The following FAM193A variants were observed in gnomAD, a reference collection of about 807,000 sequenced individuals.
FAM193A encodes the protein protein FAM193A.
FAM193A carries 22 observed loss-of-function variants against 126.5 expected under a neutral mutation model. The observed-to-expected ratio is 0.17, with a 90% confidence interval of 0.12 to 0.25. The LOEUF (loss-of-function observed/expected upper bound fraction) is 0.25, where lower values mean the gene tolerates loss of function less well. Ranked by LOEUF, FAM193A falls within the 10% of genes least tolerant of loss-of-function variation. The pLI is 1.00. For missense variants in FAM193A, 1,675 were observed against 1,672.8 expected (o/e 1.00, Z -0.02); for synonymous variants, 761 against 646.8 (o/e 1.18, Z -2.68).
Position 2,596,503 on chromosome 4 carries a change from G to T in FAM193A, c.501+174G>T, listed in dbSNP as rs752695544. Among the ~76,000 whole-genome samples the T allele has an allele frequency of 3.2e-4, 48 of 152,328 alleles. No individual in the cohort carries two copies. The South Asian group carries it at 4.6e-3, about 14-fold the overall frequency. On this transcript the variant is annotated intron_variant, in intron 2 of 20. Transcript: ENST00000637812. ...CCTCCTGGTCTTCCCTGGCCACACT[G>T]CAGTAGGTGGCAGGACACCTGCCCT...
At chr4:2,713,049 G>A (rs546014734) in intron 19 of FAM193A, among the ~76,000 whole-genome samples, 5 of 150,070 alleles carry the variant, frequency 3.3e-5, no homozygotes, top group African/African-American at 7.4e-5. Context: ...AGGTTGCAGC[G>A]AGCTGAGATT....
At chr4:2,586,577 T>A (rs1294633254) in intron 1 of FAM193A, among the ~76,000 whole-genome samples, 1 of 152,200 alleles carries the variant, frequency 6.6e-6, no homozygotes, top group Non-Finnish European at 1.5e-5. Context: ...AGTGTCCGTG[T>A]ATCATACCTT....
intron 4 of FAM193A, among the ~76,000 whole-genome samples, chr4:2,630,330 TAA>T (rs3037154): frequency 0.099 from 14,762 of 149,160 alleles, 1,470 homozygotes; most frequent in African/African-American, 0.26. Context: ...GGATAATTGT[TAA>T]AAAAAAAAGA....
Position 2,699,867 on chromosome 4 carries a change from C to T in FAM193A, c.3695C>T (p.Pro1232Leu), listed in dbSNP as rs775639396. The T allele has an allele frequency of 6.2e-7, 1 of 1,613,862 alleles. No homozygotes were observed. Among genetic ancestry groups the T allele is most frequent in the Non-Finnish European group, 8.5e-7 (1 of 1,179,964 alleles). Reference sequence around the variant, plus strand: ...GTAAAAAAGAAGAAGAAGGAGAGGCCAAGTAAAGACTGCCCCAAGTTGGAC... The same window carrying T: ...GTAAAAAAGAAGAAGAAGGAGAGGCTAAGTAAAGACTGCCCCAAGTTGGAC... The part of the protein sequence containing the change: ...RAVKKKKKER[P>L]SKDCPKLDML... The change falls in exon 19 of 21, where the codon CCA (proline) becomes CTA (leucine). Residue 1232 changes from proline (P) to leucine (L), a missense_variant. Physicochemically the swap from Pro to Leu is moderately conservative, Grantham distance 98 (BLOSUM62 -3). Transcript: ENST00000637812.
chr4:2,681,751 A>T (rs1007154246), intron 13 of FAM193A, among the ~76,000 whole-genome samples: 4 of 152,170 alleles, frequency 2.6e-5, no homozygotes, highest in Non-Finnish European at 5.9e-5. Context: ...GGCATGAGCC[A>T]CCACGCCTAT....
chr4:2,689,799 G>A, intron 14 of FAM193A, 95 bp downstream of exon 14: 2 of 845,672 alleles, frequency 2.4e-6, no homozygotes, highest in Non-Finnish European at 3.6e-6. Context: ...TGGCGCAGCT[G>A]TAGCCAGCTG....
At chr4:2,726,950 CAAAAA>C (rs35697253) in intron 20 of FAM193A, among the ~76,000 whole-genome samples, 4 of 104,048 alleles carry the variant, frequency 3.8e-5, no homozygotes, top group East Asian at 2.8e-4. Flanking sequence ...AACTCCGTCC[CAAAAA>C]AAAAAAAAAA....
chr4:2,592,036 A>T (rs1455346616), intron 1 of FAM193A, among the ~76,000 whole-genome samples: 1 of 151,964 alleles, frequency 6.6e-6, no homozygotes, highest in Non-Finnish European at 1.5e-5. Context: ...TATTTCATCT[A>T]TGTGTTTGTA....
chr4:2,602,683 C>T (rs1034641992), intron 2 of FAM193A, among the ~76,000 whole-genome samples: 11 of 151,298 alleles, frequency 7.3e-5, no homozygotes, highest in Non-Finnish European at 7.4e-5. Flanking sequence ...TGTTTTGTGA[C>T]GGAATCTCGC....
At chr4:2,688,675 C>A (rs1716023413) in intron 13 of FAM193A, among the ~76,000 whole-genome samples, 1 of 152,234 alleles carries the variant, frequency 6.6e-6, no homozygotes, top group Non-Finnish European at 1.5e-5. Flanking sequence ...CAACAAAGAT[C>A]ACTCTGGCTG....
At chr4:2,647,669 G>A (rs922092568) in intron 7 of FAM193A, among the ~76,000 whole-genome samples, 6 of 152,302 alleles carry the variant, frequency 3.9e-5, no homozygotes, top group African/African-American at 1.4e-4. Context: ...GCTTTGAGAC[G>A]GCGCCCCCTC....
At chr4:2,654,763 G>T (rs2109084709) in intron 7 of FAM193A, 1 of 232,606 alleles carries the variant, frequency 4.3e-6, no homozygotes. Flanking sequence ...ATTGTATTAT[G>T]GTTTTATAGT....
chr4:2,556,973 A>G (rs763658494), intron 1 of FAM193A, among the ~76,000 whole-genome samples: 47 of 152,162 alleles, frequency 3.1e-4, no homozygotes, highest in Non-Finnish European at 6.3e-4. Flanking sequence ...AGTCACCAAG[A>G]TAGTACACTG....
chr4:2,691,071 C>A, intron 15 of FAM193A, 101 bp downstream of exon 15: 1 of 1,142,306 alleles, frequency 8.8e-7, no homozygotes, highest in Non-Finnish European at 1.2e-6. Flanking sequence ...TTTTACTTGG[C>A]CTAGCCAGAG....
intron 4 of FAM193A, among the ~76,000 whole-genome samples, chr4:2,627,548 C>A (rs1743094937): frequency 7.2e-6 from 1 of 138,744 alleles, no homozygotes; most frequent in South Asian, 2.4e-4. Context: ...TTCTTTCTCA[C>A]ATTTTGAATG....
chr4:2,668,059 C>T (rs955420397), intron 12 of FAM193A, among the ~76,000 whole-genome samples: 3 of 151,908 alleles, frequency 2.0e-5, no homozygotes, highest in Admixed American at 6.6e-5. Context: ...CATGTGCCGC[C>T]ATGACCGGCT....
chr4:2,594,581 C>T lies in FAM193A; in HGVS notation c.256-1503C>T, dbSNP rs577418570. On this transcript the variant is annotated intron_variant, in intron 1 of 20. Transcript: ENST00000637812. ...TTCTGGCTGCCTCTGGAAGGCCAGGCGAGGCTTCCCTTTGCCCTGCTCCCT... is the reference window on the plus strand; with the variant it reads ...TTCTGGCTGCCTCTGGAAGGCCAGGTGAGGCTTCCCTTTGCCCTGCTCCCT... 3.9e-5 allele frequency among the ~76,000 whole-genome samples: 6 copies of T among 152,252 alleles called. No homozygotes were observed. The East Asian group carries it at 1.2e-3, about 29-fold the overall frequency.
intron 1 of FAM193A, among the ~76,000 whole-genome samples, chr4:2,539,613 C>T (rs1045024889): frequency 5.3e-5 from 8 of 151,854 alleles, no homozygotes; most frequent in Non-Finnish European, 1.2e-4. Context: ...CACTATGTTA[C>T]CCAGGCTTGT....
chr4:2,592,729 C>T (rs1289913946), intron 1 of FAM193A, among the ~76,000 whole-genome samples: 1 of 152,132 alleles, frequency 6.6e-6, no homozygotes, highest in Non-Finnish European at 1.5e-5. Flanking sequence ...ATTTGCAGGG[C>T]AGAGTACCAG....
Sources: allele counts gnomAD v4.1 joint callset (sites outside exome capture counted in the v4.1 genomes callset), GRCh38; gene constraint gnomAD v4.1.1; transcripts MANE v1.5; gene names NCBI Gene and HGNC (gene_info 2026-07-23, HGNC 2026-07-21).